CLASP1: variants seen among roughly 807,000 people sequenced by gnomAD.
The protein encoded by CLASP1 is CLIP-associating protein 1.
CLASP1 carries 38 observed loss-of-function variants against 192.3 expected under a neutral mutation model. That is an observed-to-expected ratio of 0.20 (90% CI 0.15 to 0.26). The LOEUF is 0.26. Ranked by LOEUF, CLASP1 falls within the 10% of genes least tolerant of loss-of-function variation. The pLI is 1.00. For synonymous variants in CLASP1, 691 were observed against 712.8 expected, an observed-to-expected ratio of 0.97 and a Z score of 0.49; for missense variants, 1,433 against 1,932.5, an observed-to-expected ratio of 0.74 and a Z score of 4.85.
exon 32 of CLASP1, chr2:121,387,127 A>G (rs1261561007): frequency 6.2e-7 from 1 of 1,613,326 alleles, no homozygotes; most frequent in South Asian, 1.1e-5. Flanking sequence ...CTTACCTTGG[A>G]GACAGACCCC....
At chr2:121,499,906 C>T (rs898173109) in intron 8 of CLASP1, among the ~76,000 whole-genome samples, 1 of 152,062 alleles carries the variant, frequency 6.6e-6, no homozygotes, top group Non-Finnish European at 1.5e-5. Flanking sequence ...TAATACCATA[C>T]TTAGCACCTA....
chr2:121,486,934 T>C (rs1337119631), intron 8 of CLASP1, among the ~76,000 whole-genome samples: 2 of 152,192 alleles, frequency 1.3e-5, no homozygotes, highest in Non-Finnish European at 2.9e-5. Context: ...ATCTCAAGTC[T>C]ACTCCAAGAT....
chr2:121,544,107 TGA>T (rs1282232183), intron 2 of CLASP1, among the ~76,000 whole-genome samples: 1 of 152,192 alleles, frequency 6.6e-6, no homozygotes, highest in Non-Finnish European at 1.5e-5. Context: ...AAGTTTATAA[TGA>T]CACCCAAGTC....
intron 7 of CLASP1, among the ~76,000 whole-genome samples, chr2:121,515,257 TA>T (rs1275577279): frequency 1.3e-4 from 20 of 152,226 alleles, no homozygotes; most frequent in African/African-American, 4.6e-4. Flanking sequence ...AATTATAACT[TA>T]TGAATTTTTA....
chr2:121,605,079 G>C (rs1191337031), intron 2 of CLASP1, among the ~76,000 whole-genome samples: 1 of 152,120 alleles, frequency 6.6e-6, no homozygotes, highest in Non-Finnish European at 1.5e-5. Flanking sequence ...AAGGTAAAAT[G>C]GTCAACCTTC....
rs144675281 is a variant in CLASP1, at chr2:121,436,070, C to T, written c.1913-5893G>A. Among the ~76,000 whole-genome samples, 1,019 of 151,046 alleles carry T rather than the reference C, an allele frequency of 6.7e-3. 9 individuals carry two copies. Among genetic ancestry groups the T allele is most frequent in the Middle Eastern group, 0.024 (7 of 290 alleles). The stretch of plus-strand genomic sequence containing the variant: ...TTCTTGAGACAGAACTTTACTCTGT[C>T]ACCCAGGTTGGAGTACAGTGGTGTG... On this transcript the variant is annotated intron_variant, in intron 19 of 39. Transcript: ENST00000263710.
chr2:121,535,698 G>C (rs2095046642), intron 2 of CLASP1, among the ~76,000 whole-genome samples: 1 of 151,758 alleles, frequency 6.6e-6, no homozygotes, highest in Admixed American at 6.6e-5. Context: ...ACCCAGGCTG[G>C]AGTGTAGTTG....
Position 121,568,744 on chromosome 2 carries a change from C to T in CLASP1, c.195+36957G>A, listed in dbSNP as rs568029394. On this transcript the variant is annotated intron_variant, in intron 2 of 39. Transcript: ENST00000263710. Reference sequence around the variant, plus strand: ...ATAGCCATTGTGTGAAGCTCAAGTCCAAGAGTTGCTTTCCAGGGTCCTATA... The same window carrying T: ...ATAGCCATTGTGTGAAGCTCAAGTCTAAGAGTTGCTTTCCAGGGTCCTATA... Among the ~76,000 whole-genome samples the T allele has an allele frequency of 7.1e-4, 108 of 152,026 alleles. 1 individual carries two copies. The highest frequency in any genetic ancestry group is 6.8e-3 in the Middle Eastern group (2 of 294).
rs182739738 is a variant in CLASP1, at chr2:121,556,481, A to G, written c.196-26156T>C. Among the ~76,000 whole-genome samples, 44 of 152,046 alleles carry G rather than the reference A, an allele frequency of 2.9e-4. 1 individual carries two copies. In the East Asian group the frequency reaches 7.4e-3, roughly 25 times the overall value. The stretch of plus-strand genomic sequence containing the variant: ...CACTGGCCTCCTGGCTGTTCATCAG[A>G]TGTGCCAGACTCCTTCCGCTCTCTG... On this transcript the variant is annotated intron_variant, in intron 2 of 39. Transcript: ENST00000263710.
chr2:121,441,435 A>C (rs2083323098), intron 19 of CLASP1, among the ~76,000 whole-genome samples: 1 of 152,178 alleles, frequency 6.6e-6, no homozygotes, highest in Non-Finnish European at 1.5e-5. Flanking sequence ...CCCCAAAAGA[A>C]TAATTTCCTG....
rs12329265 is a variant in CLASP1, at chr2:121,635,184, G to A, written c.-286+14188C>T. Among the ~76,000 whole-genome samples the A allele has an allele frequency of 6.6e-3, 989 of 149,248 alleles. 9 individuals carry two copies. Among genetic ancestry groups the A allele is most frequent in the African/African-American group, 0.022 (900 of 40,002 alleles). Reference sequence around the variant, plus strand: ...ATCACACCACACTGCACTCCAACACGGGCAACAAAGCGAGATTGCGTCTGT... The same window carrying A: ...ATCACACCACACTGCACTCCAACACAGGCAACAAAGCGAGATTGCGTCTGT... On this transcript the variant is annotated intron_variant, in intron 1 of 39. Transcript: ENST00000263710.
At position 121,375,729 on chromosome 2, in the gene CLASP1, C is replaced by T. The variant is rs188339027; in HGVS notation, c.3642+1770G>A. ...CCTCCCTAGGCACCACAACTAGCCACGGGTCTCCTGGATGCTGAGCAGTGG... is the reference window on the plus strand; with the variant it reads ...CCTCCCTAGGCACCACAACTAGCCATGGGTCTCCTGGATGCTGAGCAGTGG... On this transcript the variant is annotated intron_variant, in intron 34 of 39. Coordinates refer to ENST00000263710, the Ensembl canonical transcript of CLASP1. Among the ~76,000 whole-genome samples the T allele has an allele frequency of 2.1e-3, 318 of 152,230 alleles. 1 individual carries two copies. Among genetic ancestry groups the T allele is most frequent in the African/African-American group, 7.3e-3 (303 of 41,522 alleles).
chr2:121,620,363 T>C (rs538774308), intron 1 of CLASP1, among the ~76,000 whole-genome samples: 2 of 152,304 alleles, frequency 1.3e-5, no homozygotes, highest in South Asian at 4.1e-4. Flanking sequence ...AAGCTTCTTT[T>C]TTTTTGAGAT....
chr2:121,589,627 T>C (rs1483583358), intron 2 of CLASP1, among the ~76,000 whole-genome samples: 2 of 143,972 alleles, frequency 1.4e-5, no homozygotes, highest in African/African-American at 2.6e-5. Flanking sequence ...TGAAACTCTG[T>C]CTCAAAAAAA....
chr2:121,483,013 A>T (rs1559385615), intron 8 of CLASP1, among the ~76,000 whole-genome samples: 1 of 152,114 alleles, frequency 6.6e-6, no homozygotes, highest in Non-Finnish European at 1.5e-5. Context: ...TCCATCAGCC[A>T]CCTAACTCAG....
intron 2 of CLASP1, among the ~76,000 whole-genome samples, chr2:121,543,803 G>C (rs1208459870): frequency 6.6e-6 from 1 of 152,100 alleles, no homozygotes; most frequent in Non-Finnish European, 1.5e-5. Flanking sequence ...AAGCAGAGCA[G>C]ATTCTTACAC....
At chr2:121,524,520 G>A (rs747885064) in intron 6 of CLASP1, among the ~76,000 whole-genome samples, 7 of 150,824 alleles carry the variant, frequency 4.6e-5, no homozygotes, top group South Asian at 2.1e-4. Context: ...GCAGTGGCAC[G>A]ATCTTGGCTC....
At chr2:121,633,388 C>A (rs2070177560) in intron 1 of CLASP1, among the ~76,000 whole-genome samples, 1 of 152,058 alleles carries the variant, frequency 6.6e-6, no homozygotes, top group South Asian at 2.1e-4. Flanking sequence ...CATCACTATT[C>A]AGAAGCAAAC....
intron 8 of CLASP1, among the ~76,000 whole-genome samples, chr2:121,479,533 A>C (rs1361847106): frequency 6.6e-6 from 1 of 152,240 alleles, no homozygotes; most frequent in Non-Finnish European, 1.5e-5. Flanking sequence ...ATTTTTGCTC[A>C]TTATCCAAAC....
Sources: gnomAD v4.1 joint callset for allele counts (sites outside exome capture counted in the v4.1 genomes callset) on GRCh38, gnomAD v4.1.1 for gene constraint, MANE v1.5 for transcripts, NCBI Gene and HGNC (gene_info 2026-07-23, HGNC 2026-07-21) for gene names.